Variants in EDA observed in about 807,000 individuals in gnomAD.
EDA encodes the protein ectodysplasin-A.
Under a neutral mutation model 23.6 loss-of-function variants are expected in EDA, and 2 were observed. That is an observed-to-expected ratio of 0.08 (90% CI 0.03 to 0.27). The LOEUF (loss-of-function observed/expected upper bound fraction) is 0.27, where lower values mean the gene tolerates loss of function less well. EDA is among the 10% of genes least tolerant of loss of function. The pLI is 1.00. For synonymous variants in EDA, 131 were observed against 132.0 expected (o/e 0.99, Z 0.05); for missense variants, 229 against 324.2 (o/e 0.71, Z 2.26).
At chrX:69,917,097 G>T (rs1484897338) in intron 1 of EDA, among the ~76,000 whole-genome samples, 3 of 110,323 alleles carry the variant, frequency 2.7e-5, no homozygotes, top group Non-Finnish European at 5.7e-5. Context: ...CACCACACCT[G>T]GCTAATTTTT....
rs201496653 is a variant in EDA at position 69,616,384 on chromosome X, G to C, written c.76G>C (p.Gly26Arg). 4 of 1,204,274 alleles carry C rather than the reference G, an allele frequency of 3.3e-6. No homozygotes were observed. The highest frequency in any genetic ancestry group is 3.5e-5 in the South Asian group (2 of 56,537). The change falls in exon 1 of 8, where the codon GGG (glycine) becomes CGG (arginine). Residue 26 changes from glycine (G) to arginine (R), a missense_variant. Physicochemically the swap from Gly to Arg is moderately radical, Grantham distance 125. Coordinates refer to ENST00000374552, the MANE Select transcript of EDA (RefSeq NM_001399.5). Reference protein sequence around the residue: ...APRERGSQGCGCGGAPARAGE... With the variant: ...APRERGSQGCRCGGAPARAGE... ...GCGGGAGCGAGGGAGCCAGGGCTGC[G>C]GGTGTGGCGGGGCCCCTGCCCGGGC...
chrX:70,005,170 T>C (rs996799967), intron 2 of EDA, among the ~76,000 whole-genome samples: 1 of 112,078 alleles, frequency 8.9e-6, no homozygotes, highest in Non-Finnish European at 1.9e-5. Context: ...AATTAAAATT[T>C]ATGAATACCT....
At chrX:70,029,393 C>A in intron 4 of EDA, 111 bp from the exon 5 acceptor site, 1 of 921,706 alleles carries the variant, frequency 1.1e-6, no homozygotes, top group Non-Finnish European at 1.6e-6. Flanking sequence ...GAGAATAAAG[C>A]TCAGACAGGG....
chrX:69,827,814 T>C (rs1357164232), intron 1 of EDA, among the ~76,000 whole-genome samples: 1 of 111,767 alleles, frequency 8.9e-6, no homozygotes, highest in African/African-American at 3.3e-5. Context: ...CTCTGTTTTT[T>C]CCCCATCTTT....
intron 1 of EDA, among the ~76,000 whole-genome samples, chrX:69,639,487 T>A (rs2147228933): frequency 8.9e-6 from 1 of 112,362 alleles, no homozygotes; most frequent in African/African-American, 3.2e-5. Context: ...ATTTAATTAT[T>A]GTTTTGATTG....
chrX:69,704,886 A>G (rs778170885), intron 1 of EDA, among the ~76,000 whole-genome samples: 6 of 110,874 alleles, frequency 5.4e-5, no homozygotes, highest in Admixed American at 9.6e-5. Flanking sequence ...CGGTATACAT[A>G]TTTTTGTTAT....
intron 1 of EDA, among the ~76,000 whole-genome samples, chrX:69,877,838 G>C (rs376347997): frequency 8.9e-6 from 1 of 112,498 alleles, no homozygotes; most frequent in African/African-American, 3.2e-5. Flanking sequence ...GTTAATTTTT[G>C]TATATGGTGC....
intron 4 of EDA, among the ~76,000 whole-genome samples, chrX:70,029,076 T>G (rs2020162312): frequency 8.9e-6 from 1 of 112,818 alleles, no homozygotes; most frequent in Non-Finnish European, 1.9e-5. Context: ...TTATAGAGTT[T>G]ATCTCCTAGA....
In EDA at chrX:69,733,214, C is replaced by T. The variant is rs1427292096; in HGVS notation, c.396+116510C>T. 9.9e-5 allele frequency among the ~76,000 whole-genome samples: 11 copies of T among 111,585 alleles called. No individual in the cohort carries two copies. The East Asian group carries it at 2.0e-3, about 20-fold the overall frequency. The stretch of plus-strand genomic sequence containing the variant: ...GAATGGTATTGCCTAGGTTTTCTTC[C>T]AGGGGTTTTATGGTTTTAGGTCTAA... On this transcript the variant is annotated intron_variant, in intron 1 of 7. Coordinates refer to ENST00000374552, the MANE Select transcript of EDA (RefSeq NM_001399.5).
At chrX:69,788,601 C>CTCAGGGG (rs1602409530) in intron 1 of EDA, among the ~76,000 whole-genome samples, 1 of 112,206 alleles carries the variant, frequency 8.9e-6, no homozygotes, top group African/African-American at 3.2e-5. Flanking sequence ...AGTTAGGCTG[C>CTCAGGGG]TCAGGGGTCA....
intron 1 of EDA, among the ~76,000 whole-genome samples, chrX:69,713,192 C>T (rs924230661): frequency 2.7e-5 from 3 of 111,738 alleles, no homozygotes; most frequent in African/African-American, 9.7e-5. Context: ...TGCACATGTA[C>T]CCTAAAACTT....
intron 1 of EDA, among the ~76,000 whole-genome samples, chrX:69,728,103 G>C (rs1258897776): frequency 9.1e-6 from 1 of 110,373 alleles, no homozygotes. Context: ...AAATTAGCTG[G>C]GCATGGTGGC....
intron 1 of EDA, among the ~76,000 whole-genome samples, chrX:69,831,637 T>C (rs750970615): frequency 8.9e-6 from 1 of 112,614 alleles, no homozygotes; most frequent in South Asian, 3.7e-4. Context: ...CGCCACACTG[T>C]CTTCCACAAT....
chrX:70,023,338 A>G, intron 3 of EDA, 97 bp downstream of exon 3: 1 of 537,584 alleles, frequency 1.9e-6, no homozygotes, highest in South Asian at 3.1e-5. Context: ...ATATTCTTTC[A>G]GCATTGTCTG....
chrX:69,904,217 A>C (rs2018144955), intron 1 of EDA, among the ~76,000 whole-genome samples: 1 of 112,336 alleles, frequency 8.9e-6, no homozygotes, highest in South Asian at 3.7e-4. Flanking sequence ...GAATATTCCA[A>C]ATCAATTCTT....
Position 69,873,306 on chromosome X carries a change from A to C in EDA, c.397-83721A>C, listed in dbSNP as rs185834006. Among the ~76,000 whole-genome samples, 70 of 112,355 alleles carry C rather than the reference A, an allele frequency of 6.2e-4. No homozygotes were observed. The Admixed American group carries it at 6.6e-3, about 11-fold the overall frequency. On this transcript the variant is annotated intron_variant, in intron 1 of 7. Coordinates refer to ENST00000374552, the MANE Select transcript of EDA (RefSeq NM_001399.5). ...TACATCAAAAAGTCTGAAAGAATAC[A>C]AATAGACAATCTAAGGTCACACCTC...
At chrX:69,920,935 G>A (rs964530571) in intron 1 of EDA, among the ~76,000 whole-genome samples, 1 of 98,306 alleles carries the variant, frequency 1.0e-5, no homozygotes, top group Admixed American at 1.2e-4. Flanking sequence ...CAGTTGATCT[G>A]CCTATTCTGA....
chrX:69,884,554 A>G (rs1020431686), intron 1 of EDA, among the ~76,000 whole-genome samples: 1 of 112,734 alleles, frequency 8.9e-6, no homozygotes, highest in African/African-American at 3.2e-5. Flanking sequence ...TGAACATTTC[A>G]TATAAAAGGA....
At chrX:69,739,981 C>T (rs1008674805) in intron 1 of EDA, among the ~76,000 whole-genome samples, 4 of 110,815 alleles carry the variant, frequency 3.6e-5, no homozygotes, top group African/African-American at 1.3e-4. Flanking sequence ...TTTATATTGC[C>T]TTTTTTGGTT....
Sources: gnomAD v4.1 joint callset for allele counts (sites outside exome capture counted in the v4.1 genomes callset) on GRCh38, gnomAD v4.1.1 for gene constraint, MANE v1.5 for transcripts, NCBI Gene and HGNC (gene_info 2026-07-23, HGNC 2026-07-21) for gene names.